Variants in RRAS2 observed in about 807,000 individuals in gnomAD.
The protein encoded by RRAS2 is ras-related protein R-Ras2.
A neutral mutation model predicts 27.6 loss-of-function variants in RRAS2; 7 were observed. That is an observed-to-expected ratio of 0.25 (90% CI 0.14 to 0.48). The LOEUF is 0.48. RRAS2 is among the 20% of genes least tolerant of loss of function. The pLI, the probability that RRAS2 is intolerant of heterozygous loss-of-function variation, is 0.99. For missense variants in RRAS2, 178 were observed against 256.2 expected, an observed-to-expected ratio of 0.69 and a Z score of 2.08; for synonymous variants, 86 against 90.9, an observed-to-expected ratio of 0.95 and a Z score of 0.31.
intron 1 of RRAS2, among the ~76,000 whole-genome samples, chr11:14,327,860 C>T (rs984443632): frequency 4.6e-5 from 7 of 151,968 alleles, no homozygotes; most frequent in Non-Finnish European, 7.4e-5. Context: ...TCTTTCCATA[C>T]GGCAGGTAAT....
Position 14,358,229 on chromosome 11 carries a change from A to AAC in RRAS2, c.108+532_108+533dup. On this transcript the variant is annotated intron_variant, in intron 1 of 5. Coordinates refer to ENST00000256196, the MANE Select transcript of RRAS2 (RefSeq NM_012250.6). This position sits in a 1 kb window ranked among gnomAD's most constrained non-coding sequence, Gnocchi z 5.1. The stretch of plus-strand genomic sequence containing the variant: ...AAGAGAGTACTTATAAAAAGAGCGT[A>AAC]ACACACACACAAAGAAATACACAGT... 85 of 985,418 alleles carry AAC rather than the reference A, an allele frequency of 8.6e-5. No individual in the cohort carries two copies. In the African/African-American group the frequency reaches 1.3e-3, roughly 15 times the overall value. 61.0% of individuals were successfully genotyped at this position (985,418 alleles called of 1,614,324 possible).
chr11:14,342,656 C>T (rs1175859957), intron 1 of RRAS2, among the ~76,000 whole-genome samples: 2 of 152,046 alleles, frequency 1.3e-5, no homozygotes, highest in East Asian at 3.8e-4. Flanking sequence ...GATATTATAC[C>T]TTTTCATTTC....
chr11:14,308,471 T>C (rs1392807733), intron 1 of RRAS2, among the ~76,000 whole-genome samples: 4 of 152,196 alleles, frequency 2.6e-5, no homozygotes, highest in Admixed American at 6.5e-5. Flanking sequence ...TCATGACCTC[T>C]TTAAGACTCT....
At chr11:14,284,820 A>T (rs1849619694) in intron 4 of RRAS2, among the ~76,000 whole-genome samples, 2 of 152,080 alleles carry the variant, frequency 1.3e-5, no homozygotes, top group Non-Finnish European at 2.9e-5. Flanking sequence ...TATTTTCATT[A>T]TTGCTAGCCA....
intron 1 of RRAS2, chr11:14,354,575 T>C (rs769722229): frequency 1.3e-5 from 2 of 151,934 alleles, no homozygotes; most frequent in Non-Finnish European, 2.9e-5. Flanking sequence ...ATAGACCAGA[T>C]TATGTGTCAA....
intron 1 of RRAS2, among the ~76,000 whole-genome samples, chr11:14,319,450 C>G (rs1270218866): frequency 2.1e-5 from 3 of 141,532 alleles, no homozygotes; most frequent in African/African-American, 7.7e-5. Flanking sequence ...GCTCCACTTC[C>G]CGGGTTCACG....
intron 1 of RRAS2, among the ~76,000 whole-genome samples, chr11:14,346,907 C>A (rs1848845380): frequency 6.6e-6 from 1 of 152,138 alleles, no homozygotes; most frequent in Admixed American, 6.5e-5. Flanking sequence ...ATAATACCAG[C>A]CCTGTGGGAG....
intron 1 of RRAS2, among the ~76,000 whole-genome samples, chr11:14,325,462 C>T (rs1591473452): frequency 6.6e-6 from 1 of 152,058 alleles, no homozygotes; most frequent in Non-Finnish European, 1.5e-5. Context: ...TGCCACGACG[C>T]CTGGCTTTTT....
chr11:14,324,895 T>C (rs1445782637), intron 1 of RRAS2, among the ~76,000 whole-genome samples: 3 of 152,100 alleles, frequency 2.0e-5, no homozygotes, highest in Admixed American at 6.5e-5. Flanking sequence ...AGGGGAAGCA[T>C]AGAACAGTAC....
In RRAS2 at chr11:14,359,179, C is replaced by G. The variant is rs533479263; in HGVS notation, c.-309G>C. 4.4e-5 allele frequency: 43 copies of G among 984,008 alleles called. No individual in the cohort carries two copies. In the South Asian group the frequency reaches 1.8e-3, roughly 41 times the overall value. 61.0% of individuals were successfully genotyped at this position (984,008 alleles called of 1,614,324 possible). On this transcript the variant is annotated 5_prime_UTR_variant, in exon 1 of 6. Coordinates refer to ENST00000256196, the MANE Select transcript of RRAS2 (RefSeq NM_012250.6). The stretch of plus-strand genomic sequence containing the variant: ...AGCCTCCAGCGCCGCCACAAATGGC[C>G]GTCTGGGGGCCGGGCTGCCAGGCTG...
intron 5 of RRAS2, 32 bp downstream of exon 5, chr11:14,281,570 T>G: frequency 6.7e-7 from 1 of 1,500,986 alleles, no homozygotes; most frequent in Non-Finnish European, 9.0e-7. Context: ...AGTAATTTAT[T>G]AAAACACACA....
At chr11:14,342,815 T>C (rs1554953441) in intron 1 of RRAS2, among the ~76,000 whole-genome samples, 1 of 152,190 alleles carries the variant, frequency 6.6e-6, no homozygotes, top group East Asian at 1.9e-4. Flanking sequence ...ACTTGTCTCA[T>C]ATACATATTT....
At chr11:14,310,208 TG>T (rs1209972072) in intron 1 of RRAS2, among the ~76,000 whole-genome samples, 1 of 152,150 alleles carries the variant, frequency 6.6e-6, no homozygotes, top group East Asian at 1.9e-4. Context: ...AACAGGCTGG[TG>T]GGGTAGAGAA....
intron 1 of RRAS2, chr11:14,308,072 TA>T (rs1484679487): frequency 6.9e-6 from 2 of 287,934 alleles, no homozygotes; most frequent in South Asian, 3.0e-5. Flanking sequence ...ATATAACCAT[TA>T]AAAAAAGGAA....
chr11:14,352,754 T>TAGAG (rs1491413548), intron 1 of RRAS2, among the ~76,000 whole-genome samples: 44 of 118,742 alleles, frequency 3.7e-4, no homozygotes, highest in African/African-American at 1.3e-3. Context: ...AATATATATA[T>TAGAG]ATAGAGAGAG....
At chr11:14,291,171 C>T (rs1270329188) in intron 4 of RRAS2, among the ~76,000 whole-genome samples, 2 of 152,086 alleles carry the variant, frequency 1.3e-5, no homozygotes, top group Non-Finnish European at 2.9e-5. Context: ...AAAACATACA[C>T]ATTATCAGCT....
At position 14,358,580 on chromosome 11, in the gene RRAS2, A is replaced by C. The variant is rs1360441670; in HGVS notation, c.108+183T>G. 4 of 985,718 alleles carry C rather than the reference A, an allele frequency of 4.1e-6. No individual in the cohort carries two copies. The highest frequency in any genetic ancestry group is 4.8e-6 in the Non-Finnish European group (4 of 830,364). 61.1% of individuals were successfully genotyped at this position (985,718 alleles called of 1,614,324 possible). ...CGCGACGCCGCGCCCGGGAGGAGGC[A>C]GGAGCGCGACGCTGCGGCCGCAGGG... On this transcript the variant is annotated intron_variant, in intron 1 of 5. Transcript: ENST00000256196. This position sits in a 1 kb window ranked among gnomAD's most constrained non-coding sequence, Gnocchi z 5.1.
At chr11:14,357,068 G>A (rs1448317186) in intron 1 of RRAS2, among the ~76,000 whole-genome samples, 2 of 152,040 alleles carry the variant, frequency 1.3e-5, no homozygotes, top group South Asian at 2.1e-4. Context: ...TTACAGGTGT[G>A]AGCCACGACG....
intron 4 of RRAS2, among the ~76,000 whole-genome samples, chr11:14,289,634 G>A (rs766964403): frequency 6.6e-6 from 1 of 152,122 alleles, no homozygotes; most frequent in Non-Finnish European, 1.5e-5. Context: ...TTTATCTCAC[G>A]TAAACCTCAG....
Sources: allele counts gnomAD v4.1 joint callset (sites outside exome capture counted in the v4.1 genomes callset), GRCh38; gene constraint gnomAD v4.1.1; non-coding constraint Gnocchi (gnomAD v3.1); transcripts MANE v1.5; gene names NCBI Gene and HGNC (gene_info 2026-07-23, HGNC 2026-07-21).